ZNF888: variants seen among roughly 807,000 people sequenced by gnomAD.
ZNF888 encodes the protein zinc finger protein 888.
ZNF888 carries 5 observed loss-of-function variants against 7.2 expected under a neutral mutation model. The observed-to-expected ratio is 0.70, with a 90% confidence interval of 0.36 to 1.46. The LOEUF (loss-of-function observed/expected upper bound fraction) is 1.46, where lower values mean the gene tolerates loss of function less well. Among genes scored for constraint, ZNF888 ranks in the 40% most tolerant of loss-of-function variants. The pLI, the probability that ZNF888 is intolerant of heterozygous loss-of-function variation, is 0.03. For synonymous variants in ZNF888, 240 were observed against 284.3 expected (o/e 0.84, Z 1.57); for missense variants, 716 against 858.0 (o/e 0.83, Z 2.07).
Position 52,923,310 on chromosome 19 carries a change from G to A in ZNF888, c.-178+59C>T, listed in dbSNP as rs1043961016. ...GGTCTGTGGAGACCCCACATCCCAGGTACAGAATTGCCGGGGACCTGGAGG... is the reference window on the plus strand; with the variant it reads ...GGTCTGTGGAGACCCCACATCCCAGATACAGAATTGCCGGGGACCTGGAGG... On this transcript the variant is annotated intron_variant, in intron 1 of 4. Transcript: ENST00000638862. 8 of 985,450 alleles carry A rather than the reference G, an allele frequency of 8.1e-6. No individual in the cohort carries two copies. In the Admixed American group the frequency reaches 1.8e-4, roughly 23 times the overall value. The allele number at this position is 985,450 out of a possible 1,614,324, so 61.0% of individuals were successfully genotyped here.
intron 3 of ZNF888, 51 bp from the exon 4 acceptor site, chr19:52,915,373 T>G: frequency 6.2e-7 from 1 of 1,611,894 alleles, no homozygotes; most frequent in East Asian, 2.2e-5. Context: ...AGATCTTATC[T>G]TTACAGAAAA....
intron 2 of ZNF888, chr19:52,918,317 CCTT>C (rs2064774370): frequency 2.4e-6 from 1 of 408,484 alleles, no homozygotes; most frequent in African/African-American, 2.2e-5. Context: ...TGGTGAAACT[CCTT>C]CTCTATCAAA....
At position 52,906,831 on chromosome 19, in the gene ZNF888, C is replaced by G; in HGVS notation, c.1491G>C (p.Lys497Asn). The change falls in exon 5 of 5, where the codon AAG (lysine) becomes AAC (asparagine). Residue 497 changes from lysine (K) to asparagine (N), a missense_variant. Physicochemically the swap from Lys to Asn is moderately conservative, Grantham distance 94. This residue lies in a region of ZNF888 where 697 missense variants were observed against 803.4 expected (regional missense o/e 0.87). Transcript: ENST00000638862. ...CACGTCTGAAAGCCTTGTCACAAACCTTACATTTGTATGGTTTCTCACCAG... is the reference window on the plus strand; with the variant it reads ...CACGTCTGAAAGCCTTGTCACAAACGTTACATTTGTATGGTTTCTCACCAG... The part of the protein sequence containing the change: ...IHTGEKPYKC[K>N]VCDKAFRRDS... The G allele has an allele frequency of 1.2e-6, 2 of 1,612,634 alleles. No individual in the cohort carries two copies. The highest frequency in any genetic ancestry group is 2.2e-5 in the South Asian group (2 of 91,022).
At chr19:52,918,302 C>T in intron 2 of ZNF888, 1 of 586,490 alleles carries the variant, frequency 1.7e-6, no homozygotes, top group Non-Finnish European at 2.1e-6. Context: ...CCAGCCTGGG[C>T]AACATGGTGA....
intron 4 of ZNF888, among the ~76,000 whole-genome samples, 186 bp from the exon 5 acceptor site, chr19:52,908,365 A>G (rs1002851651): frequency 6.6e-6 from 1 of 152,198 alleles, no homozygotes; most frequent in African/African-American, 2.4e-5. Flanking sequence ...ACTTCAGATC[A>G]TTTCTATGGA....
Position 52,905,737 on chromosome 19 carries a change from C to A in ZNF888, c.*428G>T. ...AATTAATGCTTGATGGTTTGCTATA[C>A]TCATTGCATTCGGAACTATTATCTC... On this transcript the variant is annotated 3_prime_UTR_variant, in exon 5 of 5. Coordinates refer to ENST00000638862, the MANE Select transcript of ZNF888 (RefSeq NM_001393938.1). 2.0e-6 allele frequency: 1 copy of A among 503,470 alleles called. No individual in the cohort carries two copies. 31.2% of individuals were successfully genotyped at this position (503,470 alleles called of 1,614,324 possible).
Position 52,907,003 on chromosome 19 carries a change from C to T in ZNF888, c.1319G>A (p.Cys440Tyr). The part of the protein sequence containing the change: ...TIHTGEKPYK[C>Y]NECGKVFNQQ... ...ATTGAAAACCTTGCCACATTCATTA[C>T]ACTTGTAAGGTTTCTCTCCAGTATG... Residue 440 changes from cysteine (C) to tyrosine (Y), a missense_variant, in exon 5 of 5, where the codon TGT becomes TAT. Transcript: ENST00000638862. The T allele has an allele frequency of 1.2e-6, 2 of 1,612,060 alleles. No homozygotes were observed. Among genetic ancestry groups the T allele is most frequent in the Non-Finnish European group, 1.7e-6 (2 of 1,179,298 alleles).
At chr19:52,912,348 C>G (rs550265705) in intron 4 of ZNF888, among the ~76,000 whole-genome samples, 1 of 150,712 alleles carries the variant, frequency 6.6e-6, no homozygotes, top group African/African-American at 2.4e-5. Flanking sequence ...CTCCTGACCT[C>G]GTGATCCGCC....
chr19:52,904,830 G>A lies in ZNF888; in HGVS notation c.*1335C>T, dbSNP rs1384353190. 2.0e-5 allele frequency: 3 copies of A among 152,140 alleles called. No individual in the cohort carries two copies. Among genetic ancestry groups the A allele is most frequent in the African/African-American group, 7.2e-5 (3 of 41,448 alleles). The allele number at this position is 152,140 out of a possible 1,614,324, so 9.4% of individuals were successfully genotyped here. ...AGTATAAAACAATATAAAACAATATGAGAGGGTCTCTCTCTTCCCTCAAAA... is the reference window on the plus strand; with the variant it reads ...AGTATAAAACAATATAAAACAATATAAGAGGGTCTCTCTCTTCCCTCAAAA... On this transcript the variant is annotated 3_prime_UTR_variant, in exon 5 of 5. Coordinates refer to ENST00000638862, the MANE Select transcript of ZNF888 (RefSeq NM_001393938.1).
chr19:52,917,780 C>T lies in ZNF888; in HGVS notation c.15+79G>A, dbSNP rs912886522. On this transcript the variant is annotated intron_variant, in intron 3 of 4. Transcript: ENST00000638862. ...CCTGTCACGCAGGATGCTTCAGACT[C>T]AGAGAAGTTTCCCAACTCCAAGGCC... 47 of 1,605,758 alleles carry T rather than the reference C, an allele frequency of 2.9e-5. No homozygotes were observed. In the Middle Eastern group the frequency reaches 8.2e-4, roughly 28 times the overall value.
chr19:52,920,498 A>C (rs1407996141), intron 1 of ZNF888, among the ~76,000 whole-genome samples: 1 of 26,900 alleles, frequency 3.7e-5, no homozygotes, highest in African/African-American at 2.1e-4. Flanking sequence ...GCAAAAAAAA[A>C]AAAAAAAAAA....
At chr19:52,921,767 A>C in intron 1 of ZNF888, 1 of 383,160 alleles carries the variant, frequency 2.6e-6, no homozygotes, top group Non-Finnish European at 3.6e-6. Flanking sequence ...GTTTCTACTG[A>C]AAATACAAAA....
intron 4 of ZNF888, among the ~76,000 whole-genome samples, chr19:52,914,893 C>T (rs1568745873): frequency 6.6e-6 from 1 of 152,186 alleles, no homozygotes; most frequent in Non-Finnish European, 1.5e-5. Flanking sequence ...TCTCCAACTC[C>T]TGATCTAAAG....
chr19:52,916,035 A>G (rs2064742971), intron 3 of ZNF888, among the ~76,000 whole-genome samples: 1 of 152,268 alleles, frequency 6.6e-6, no homozygotes. Flanking sequence ...AGTCCCAGCT[A>G]TGTGGGAGGC....
intron 4 of ZNF888, among the ~76,000 whole-genome samples, chr19:52,911,067 C>G (rs1279397776): frequency 1.3e-5 from 2 of 152,136 alleles, no homozygotes; most frequent in Non-Finnish European, 2.9e-5. Context: ...TTAGTAGACA[C>G]GGGATTTCAC....
At chr19:52,910,163 AAAAAAAAAAAAAAAG>A (rs1191684962) in intron 4 of ZNF888, among the ~76,000 whole-genome samples, 3 of 111,106 alleles carry the variant, frequency 2.7e-5, no homozygotes, top group African/African-American at 6.7e-5. Context: ...AAAAAAAAAA[AAAAAAAAAAAAAAAG>A]AACTGAATAA....
In ZNF888 at chr19:52,906,189, G is replaced by C; in HGVS notation, c.2133C>G (p.Ile711Met). ...ATTAGTCAAGTTTCCCTACACCATG[G>C]ATTGCCTGATGGTGAATAAGTGTTG... ...AQSTLIHHQA[I>M]HGVGKLD Residue 711 changes from isoleucine (I) to methionine (M), a missense_variant, in exon 5 of 5, where the codon ATC becomes ATG. Physicochemically the swap from Ile to Met is conservative, Grantham distance 10. Transcript: ENST00000638862. 2 of 1,611,190 alleles carry C rather than the reference G, an allele frequency of 1.2e-6. No individual in the cohort carries two copies. Among genetic ancestry groups the C allele is most frequent in the Non-Finnish European group, 1.7e-6 (2 of 1,178,356 alleles).
intron 1 of ZNF888, among the ~76,000 whole-genome samples, chr19:52,921,083 C>G (rs907337781): frequency 6.6e-6 from 1 of 151,914 alleles, no homozygotes; most frequent in Non-Finnish European, 1.5e-5. Flanking sequence ...TATCTCTGAG[C>G]CTAGATCTGA....
intron 1 of ZNF888, among the ~76,000 whole-genome samples, chr19:52,919,571 A>G (rs75207442): frequency 0.29 from 20,633 of 70,520 alleles, 8,789 homozygotes; most frequent in South Asian, 0.44. Context: ...GGCTCTGCCC[A>G]GCCGCCACCC....
Sources: allele counts gnomAD v4.1 joint callset (sites outside exome capture counted in the v4.1 genomes callset), GRCh38; gene constraint gnomAD v4.1.1; regional missense constraint gnomAD v4.1.1; transcripts MANE v1.5; gene names NCBI Gene and HGNC (gene_info 2026-07-23, HGNC 2026-07-21).